The following CDH10 variants were observed in gnomAD, a reference collection of about 807,000 sequenced individuals.
The protein encoded by CDH10 is cadherin-10.
Under a neutral mutation model 73.1 loss-of-function variants are expected in CDH10, and 30 were observed. The observed-to-expected ratio is 0.41, with a 90% CI of 0.31 to 0.56. CDH10 has a LOEUF of 0.56. Among genes scored for constraint, CDH10 ranks in the 20% least tolerant of loss-of-function variants. The pLI is 0.27. For missense variants in CDH10, 815 were observed against 973.7 expected (o/e 0.84, Z 2.17); for synonymous variants, 345 against 348.2 (o/e 0.99, Z 0.10).
chr5:24,493,476 T>C (rs1742141092), intron 9 of CDH10, among the ~76,000 whole-genome samples: 1 of 151,884 alleles, frequency 6.6e-6, no homozygotes. Context: ...GTGTGAATTA[T>C]TTTAAAAGGG....
At chr5:24,498,570 A>G (rs1170040025) in intron 8 of CDH10, 51 bp from the exon 9 acceptor site, 2 of 1,360,430 alleles carry the variant, frequency 1.5e-6, no homozygotes, top group Admixed American at 1.7e-5. Context: ...TGGTGCATCA[A>G]ATTTAATTTA....
chr5:24,644,838 A>AG lies in CDH10; in HGVS notation c.-369_-368insC, dbSNP rs1038530060. The stretch of plus-strand genomic sequence containing the variant: ...TGCTTCTGATTAAGGGGAAAGGAAA[A>AG]AAAAAAAAAAGGAAAGGGGGGAAAA... On this transcript the variant is annotated 5_prime_UTR_variant, in exon 1 of 12. An upstream open reading frame in the 5' UTR loses its in-frame stop. Transcript: ENST00000264463. 2 of 151,120 alleles carry AG rather than the reference A, an allele frequency of 1.3e-5. No individual in the cohort carries two copies. The highest frequency in any genetic ancestry group is 4.9e-5 in the African/African-American group (2 of 41,166). 9.4% of individuals were successfully genotyped at this position (151,120 alleles called of 1,614,324 possible).
At chr5:24,539,796 T>C (rs1328038889) in intron 2 of CDH10, among the ~76,000 whole-genome samples, 1 of 152,096 alleles carries the variant, frequency 6.6e-6, no homozygotes, top group Non-Finnish European at 1.5e-5. Context: ...ACAAGACTGA[T>C]GCTTTACAGG....
At chr5:24,566,498 T>C (rs1745170137) in intron 2 of CDH10, among the ~76,000 whole-genome samples, 1 of 152,184 alleles carries the variant, frequency 6.6e-6, no homozygotes, top group South Asian at 2.1e-4. Context: ...GTTATTGGCC[T>C]AGCTATATAT....
At chr5:24,563,895 C>G (rs1415219867) in intron 2 of CDH10, among the ~76,000 whole-genome samples, 1 of 151,872 alleles carries the variant, frequency 6.6e-6, no homozygotes, top group Non-Finnish European at 1.5e-5. Context: ...TTTCTATCTT[C>G]TCCAATGGGT....
intron 1 of CDH10, chr5:24,613,024 T>C (rs1747000745): frequency 2.0e-5 from 3 of 152,148 alleles, no homozygotes; most frequent in South Asian, 2.1e-4. Context: ...TACTAGTAAC[T>C]GATTTGAGTG....
intron 2 of CDH10, among the ~76,000 whole-genome samples, chr5:24,563,775 CAAAAAAAAAA>C (rs56666966): frequency 4.7e-5 from 6 of 128,786 alleles, no homozygotes; most frequent in East Asian, 2.2e-4. Context: ...CCCCCTCCAC[CAAAAAAAAAA>C]AAAAAAAAAA....
chr5:24,549,551 C>T (rs1333830056), intron 2 of CDH10, among the ~76,000 whole-genome samples: 1 of 133,490 alleles, frequency 7.5e-6, no homozygotes, highest in South Asian at 2.4e-4. Flanking sequence ...AATGGAATGA[C>T]TTTTTTTTTT....
At chr5:24,540,783 A>G (rs1374971379) in intron 2 of CDH10, among the ~76,000 whole-genome samples, 2 of 151,994 alleles carry the variant, frequency 1.3e-5, no homozygotes, top group Non-Finnish European at 2.9e-5. Flanking sequence ...CACTAGCACT[A>G]GAATGAAGGG....
chr5:24,547,190 G>A (rs1323717616), intron 2 of CDH10, among the ~76,000 whole-genome samples: 1 of 152,206 alleles, frequency 6.6e-6, no homozygotes, highest in Non-Finnish European at 1.5e-5. Context: ...GAAACTGTAA[G>A]TTAGATCATT....
chr5:24,620,822 G>A (rs1236654632), intron 1 of CDH10, among the ~76,000 whole-genome samples: 1 of 152,020 alleles, frequency 6.6e-6, no homozygotes, highest in Non-Finnish European at 1.5e-5. Flanking sequence ...GTTGACAGAA[G>A]AGGCACAAAC....
Position 24,593,747 on chromosome 5 carries a change from C to T in CDH10, c.-123-134G>A, listed in dbSNP as rs150172363. ...ATTTTCTTTATTTTTCATACAATAACGGATAGCTTTGAGAAATATTACTTG... is the reference window on the plus strand; with the variant it reads ...ATTTTCTTTATTTTTCATACAATAATGGATAGCTTTGAGAAATATTACTTG... On this transcript the variant is annotated intron_variant, in intron 1 of 11. Coordinates refer to ENST00000264463, the MANE Select transcript of CDH10 (RefSeq NM_006727.5). 1.6e-4 allele frequency: 68 copies of T among 435,738 alleles called. No individual in the cohort carries two copies. In the Middle Eastern group the frequency reaches 1.8e-3, roughly 12 times the overall value. 27.0% of individuals were successfully genotyped at this position (435,738 alleles called of 1,614,324 possible).
At chr5:24,492,266 G>C (rs1251457778) in intron 10 of CDH10, among the ~76,000 whole-genome samples, 2 of 152,216 alleles carry the variant, frequency 1.3e-5, no homozygotes, top group African/African-American at 4.8e-5. Context: ...GAAGAAAATG[G>C]ATTAGGTAAA....
chr5:24,586,840 A>ATTTTTTTTTTTTTT (rs1746023448), intron 2 of CDH10, among the ~76,000 whole-genome samples: 1 of 100,608 alleles, frequency 9.9e-6, no homozygotes, highest in Non-Finnish European at 1.9e-5. Flanking sequence ...GATAGCCCAT[A>ATTTTTTTTTTTTTT]TTCTTTTTTT....
At chr5:24,592,674 T>C (rs1295317788) in intron 2 of CDH10, among the ~76,000 whole-genome samples, 1 of 151,828 alleles carries the variant, frequency 6.6e-6, no homozygotes, top group African/African-American at 2.4e-5. Flanking sequence ...TTGCAGTAGC[T>C]AAACTATTTT....
intron 5 of CDH10, among the ~76,000 whole-genome samples, chr5:24,527,982 T>C (rs1343846699): frequency 6.6e-6 from 1 of 151,944 alleles, no homozygotes; most frequent in Non-Finnish European, 1.5e-5. Flanking sequence ...CAATTACAGT[T>C]CATTTTTATT....
At chr5:24,572,307 T>C (rs1745413598) in intron 2 of CDH10, among the ~76,000 whole-genome samples, 1 of 152,098 alleles carries the variant, frequency 6.6e-6, no homozygotes, top group Non-Finnish European at 1.5e-5. Flanking sequence ...CAGAGAGAAT[T>C]TCCCACTTCC....
At chr5:24,505,078 T>A in intron 8 of CDH10, 34 bp downstream of exon 8, 1 of 1,409,338 alleles carries the variant, frequency 7.1e-7, no homozygotes, top group Non-Finnish European at 1.0e-6. Context: ...TAAACATATC[T>A]AGATATATGT....
chr5:24,605,562 A>G (rs1746731620), intron 1 of CDH10, among the ~76,000 whole-genome samples: 1 of 152,204 alleles, frequency 6.6e-6, no homozygotes, highest in Non-Finnish European at 1.5e-5. Flanking sequence ...GTTGGCACCA[A>G]AAAGGTTGGA....
Sources: allele counts gnomAD v4.1 joint callset (sites outside exome capture counted in the v4.1 genomes callset), GRCh38; gene constraint gnomAD v4.1.1; transcripts MANE v1.5; gene names NCBI Gene and HGNC (gene_info 2026-07-23, HGNC 2026-07-21).